The following TXNRD2 variants were observed in gnomAD, a reference collection of about 807,000 sequenced individuals.
The protein encoded by TXNRD2 is thioredoxin reductase 2, also known as thioredoxin reductase 2, mitochondrial.
Under a neutral mutation model 70.8 loss-of-function variants are expected in TXNRD2, and 67 were observed. The observed-to-expected ratio is 0.95, with a 90% confidence interval of 0.78 to 1.16. TXNRD2 has a LOEUF of 1.16. TXNRD2 is among the 50% of genes most tolerant of loss of function. TXNRD2 has a pLI of 0.00. For synonymous variants in TXNRD2, 301 were observed against 295.8 expected, an observed-to-expected ratio of 1.02 and a Z score of -0.18; for missense variants, 644 against 719.9, an observed-to-expected ratio of 0.89 and a Z score of 1.21.
chr22:19,885,824 A>G (rs1342763523), intron 11 of TXNRD2, among the ~76,000 whole-genome samples: 1 of 152,216 alleles, frequency 6.6e-6, no homozygotes, highest in Non-Finnish European at 1.5e-5. Context: ...CTATGGCACT[A>G]TGGCAACTAC....
intron 1 of TXNRD2, among the ~76,000 whole-genome samples, chr22:19,939,627 C>T (rs1015092602): frequency 1.3e-5 from 2 of 152,144 alleles, no homozygotes; most frequent in African/African-American, 2.4e-5. Flanking sequence ...CGTTGCACCG[C>T]TCAGCCAGGA....
At chr22:19,914,056 A>G (rs1940526651) in intron 7 of TXNRD2, among the ~76,000 whole-genome samples, 3 of 152,252 alleles carry the variant, frequency 2.0e-5, no homozygotes, top group African/African-American at 4.8e-5. Context: ...ATCGCATTAA[A>G]TTATTTGAAA....
At chr22:19,939,575 T>C (rs1941632898) in intron 1 of TXNRD2, among the ~76,000 whole-genome samples, 1 of 152,080 alleles carries the variant, frequency 6.6e-6, no homozygotes, top group African/African-American at 2.4e-5. Context: ...TGCAGAAATC[T>C]ATACTAACGA....
chr22:19,931,059 C>G lies in TXNRD2; in HGVS notation c.143G>C (p.Gly48Ala). Residue 48 changes from glycine (G) to alanine (A), a missense_variant, in exon 2 of 18, where the codon GGA (glycine) becomes GCA (alanine). Physicochemically the swap from Gly to Ala is moderately conservative, Grantham distance 60. Transcript: ENST00000400521. ...CTTGGCACAAGCCAGGCCACCAGAT[C>G]CCCCGCCGACCACCAGGAGATCATA... is the stretch of plus-strand genomic sequence containing the variant. ...RDYDLLVVGGGSGGLACAKEA... is the reference protein window; with the variant it reads ...RDYDLLVVGGASGGLACAKEA... The G allele has an allele frequency of 6.2e-7, 1 of 1,613,550 alleles. No individual in the cohort carries two copies. The highest frequency in any genetic ancestry group is 1.1e-5 in the South Asian group (1 of 91,074).
intron 2 of TXNRD2, among the ~76,000 whole-genome samples, chr22:19,925,080 C>G (rs377533893): frequency 2.3e-4 from 35 of 150,916 alleles, no homozygotes; most frequent in South Asian, 1.3e-3. Flanking sequence ...GTCAGGAGAT[C>G]GAGACCATCC....
At chr22:19,908,552 T>C (rs1415364816) in intron 8 of TXNRD2, among the ~76,000 whole-genome samples, 1 of 151,636 alleles carries the variant, frequency 6.6e-6, no homozygotes, top group Non-Finnish European at 1.5e-5. Flanking sequence ...CTGGTGAGAA[T>C]GTAAGATGGT....
In TXNRD2 at chr22:19,911,412, A is replaced by G. The variant is rs376336621; in HGVS notation, c.627T>C (p.Asp209=). 6.2e-7 allele frequency: 1 copy of G among 1,613,966 alleles called. No individual in the cohort carries two copies. The highest frequency in any genetic ancestry group is 1.1e-5 in the South Asian group (1 of 91,080). The part of the protein sequence containing the change: ...EGALEYGITS[D]DIFWLKESPG... ...GGGATTCCTTCAGCCAGAAGATGTC[A>G]TCACTTGTGATTCCATATTCCAAGG... is the stretch of plus-strand genomic sequence containing the variant. Residue 209 remains aspartate, a synonymous_variant, in exon 8 of 18, where the codon GAT becomes GAC. Coordinates refer to ENST00000400521, the MANE Select transcript of TXNRD2 (RefSeq NM_006440.5).
At chr22:19,893,778 T>C (rs1939369778) in intron 11 of TXNRD2, 1 of 152,120 alleles carries the variant, frequency 6.6e-6, no homozygotes, top group Non-Finnish European at 1.5e-5. Context: ...ACTGGAAGGG[T>C]GATGTCTTTG....
At chr22:19,894,842 G>A in intron 11 of TXNRD2, 1 of 443,652 alleles carries the variant, frequency 2.3e-6, no homozygotes, top group South Asian at 2.2e-5. Context: ...ACAAAAATTA[G>A]TCAGGTGTAG....
At chr22:19,927,094 G>A (rs1350080841) in intron 2 of TXNRD2, among the ~76,000 whole-genome samples, 1 of 151,958 alleles carries the variant, frequency 6.6e-6, no homozygotes, top group Non-Finnish European at 1.5e-5. Flanking sequence ...AGGAGTTCGA[G>A]ACCAGCCTGG....
chr22:19,880,562 G>C lies in TXNRD2; in HGVS notation c.1182+60C>G, dbSNP rs1287768529. 1.3e-5 allele frequency: 20 copies of C among 1,505,090 alleles called. No individual in the cohort carries two copies. The East Asian group carries it at 4.1e-4, about 31-fold the overall frequency. 93.2% of individuals were successfully genotyped at this position (1,505,090 alleles called of 1,614,324 possible). On this transcript the variant is annotated intron_variant, in intron 13 of 17. Coordinates refer to ENST00000400521, the MANE Select transcript of TXNRD2 (RefSeq NM_006440.5). ...CGCACAAAGGCCCCTCACCCCAGAA[G>C]AGCTAGCCTCGAACTCAGCCTGTCC... is the stretch of plus-strand genomic sequence containing the variant.
chr22:19,926,590 G>A (rs1190301272), intron 2 of TXNRD2, among the ~76,000 whole-genome samples: 1 of 152,132 alleles, frequency 6.6e-6, no homozygotes, highest in Non-Finnish European at 1.5e-5. Flanking sequence ...GACCAGCCTG[G>A]CCAGTATGGT....
At chr22:19,906,350 C>G (rs763666970) in intron 8 of TXNRD2, among the ~76,000 whole-genome samples, 58 of 152,302 alleles carry the variant, frequency 3.8e-4, no homozygotes, top group Non-Finnish European at 6.2e-4. Context: ...AAAAAACAGT[C>G]TGGGTGCCGT....
chr22:19,939,573 T>C (rs1038976276), intron 1 of TXNRD2, among the ~76,000 whole-genome samples: 4 of 152,098 alleles, frequency 2.6e-5, no homozygotes, highest in African/African-American at 9.7e-5. Context: ...CCTGCAGAAA[T>C]CTATACTAAC....
rs115870103 is a variant in TXNRD2 at position 19,917,013 on chromosome 22, T to C, written c.449+1130A>G. Among the ~76,000 whole-genome samples the C allele has an allele frequency of 7.5e-3, 1,140 of 152,334 alleles. 18 individuals carry two copies. Among genetic ancestry groups the C allele is most frequent in the African/African-American group, 0.026 (1,072 of 41,564 alleles). On this transcript the variant is annotated intron_variant, in intron 5 of 17. Transcript: ENST00000400521. ...CCCCACTGGCAAGCCTGTGCCTCTA[T>C]GGGCTGTCTGAGCTGCGTGAAGTTC...
chr22:19,912,247 C>CA (rs369047292), intron 7 of TXNRD2, among the ~76,000 whole-genome samples: 8 of 149,872 alleles, frequency 5.3e-5, no homozygotes, highest in South Asian at 2.1e-4. Flanking sequence ...TTCCAACTGG[C>CA]AAAAAAAAAT....
At chr22:19,895,060 T>C in intron 11 of TXNRD2, 1 of 1,585,220 alleles carries the variant, frequency 6.3e-7, no homozygotes, top group Admixed American at 1.7e-5. Flanking sequence ...TAATAAGCAA[T>C]TGCTCAAGGG....
chr22:19,880,128 T>G (rs1026348503), intron 14 of TXNRD2, 51 bp downstream of exon 14: 8 of 1,578,842 alleles, frequency 5.1e-6, no homozygotes, highest in Non-Finnish European at 6.9e-6. Flanking sequence ...GAGCATGGGG[T>G]GAGGTCGTGG....
chr22:19,888,379 T>G (rs1269584072), intron 11 of TXNRD2, among the ~76,000 whole-genome samples: 2 of 152,120 alleles, frequency 1.3e-5, no homozygotes, highest in Admixed American at 6.5e-5. Context: ...TCACCATGGG[T>G]CACTCCCATC....
Sources: allele counts gnomAD v4.1 joint callset (sites outside exome capture counted in the v4.1 genomes callset), GRCh38; gene constraint gnomAD v4.1.1; transcripts MANE v1.5; gene names NCBI Gene and HGNC (gene_info 2026-07-23, HGNC 2026-07-21).